Variants in EFTUD2 observed in about 807,000 individuals in gnomAD.
EFTUD2 encodes 116 kDa U5 small nuclear ribonucleoprotein component.
In EFTUD2, 9 loss-of-function variants were observed where a neutral mutation model predicts 114.3. The observed-to-expected ratio is 0.08, with a 90% CI of 0.05 to 0.14. The LOEUF (loss-of-function observed/expected upper bound fraction) is 0.14, where lower values mean the gene tolerates loss of function less well. Ranked by LOEUF, EFTUD2 falls within the 10% of genes least tolerant of loss-of-function variation. The pLI, the probability that EFTUD2 is intolerant of heterozygous loss-of-function variation, is 1.00. For missense variants in EFTUD2, 765 were observed against 1,241.2 expected, an observed-to-expected ratio of 0.62 and a Z score of 5.76; for synonymous variants, 449 against 462.3, an observed-to-expected ratio of 0.97 and a Z score of 0.37.
Position 44,879,627 on chromosome 17 carries a change from A to C in EFTUD2, c.631T>G (p.Phe211Val). ...NIMDTPGHVN[F>V]SDEVTAGLRI... ...AAGCCAGCTGTGACCTCATCAGAGA[A>C]ATTCACATGTCCTGAAAAGCAAATA... is the stretch of plus-strand genomic sequence containing the variant. The change falls in exon 9 of 28, where the codon TTC (phenylalanine) becomes GTC (valine). Residue 211 changes from phenylalanine (F) to valine (V), a missense_variant. Coordinates refer to ENST00000426333, the MANE Select transcript of EFTUD2 (RefSeq NM_004247.4). 2 of 1,613,884 alleles carry C rather than the reference A, an allele frequency of 1.2e-6. No individual in the cohort carries two copies. Among genetic ancestry groups the C allele is most frequent in the Non-Finnish European group, 1.7e-6 (2 of 1,179,954 alleles).
intron 14 of EFTUD2, among the ~76,000 whole-genome samples, chr17:44,864,235 G>A (rs2050706397): frequency 6.6e-6 from 1 of 152,114 alleles, no homozygotes; most frequent in Non-Finnish European, 1.5e-5. Flanking sequence ...GAACCCCCAT[G>A]AGCACACTGG....
At chr17:44,863,377 AC>A (rs1450474982) in intron 15 of EFTUD2, 1 of 334,490 alleles carries the variant, frequency 3.0e-6, no homozygotes, top group Non-Finnish European at 5.5e-6. Flanking sequence ...CAACCGTAAC[AC>A]TTCCTTAATC....
intron 10 of EFTUD2, among the ~76,000 whole-genome samples, chr17:44,875,305 C>A (rs1014746578): frequency 2.0e-5 from 3 of 151,962 alleles, no homozygotes; most frequent in Non-Finnish European, 4.4e-5. Flanking sequence ...CCGAGGTGGG[C>A]GGATCACGAG....
Position 44,863,680 on chromosome 17 carries a change from T to A in EFTUD2, c.1388A>T (p.Glu463Val), listed in dbSNP as rs777976899. ...YTGGVDSDLGEAMSDCDPDGP... is the reference protein window; with the variant it reads ...YTGGVDSDLGVAMSDCDPDGP... Reference sequence around the variant, plus strand: ...ATCAGGGTCACAGTCACTCATAGCCTCGCCGAGGTCGGAGTCCACACCACC... The same window carrying A: ...ATCAGGGTCACAGTCACTCATAGCCACGCCGAGGTCGGAGTCCACACCACC... Residue 463 changes from glutamate (E) to valine (V), a missense_variant, in exon 15 of 28, where the codon GAG becomes GTG. Around this residue, in one of 6 missense-constraint regions of EFTUD2, gnomAD observed 59 missense variants for 50.1 expected, o/e 1.18. Transcript: ENST00000426333. The A allele has an allele frequency of 6.2e-7, 1 of 1,614,074 alleles. No homozygotes were observed. The highest frequency in any genetic ancestry group is 8.5e-7 in the Non-Finnish European group (1 of 1,179,976).
chr17:44,868,421 A>G (rs2050789163), intron 11 of EFTUD2, 71 bp from the exon 12 acceptor site: 1 of 1,493,282 alleles, frequency 6.7e-7, no homozygotes, highest in Non-Finnish European at 9.3e-7. Context: ...CAGGTGCCAC[A>G]GGTGGTTCAT....
intron 2 of EFTUD2, among the ~76,000 whole-genome samples, chr17:44,888,048 C>A (rs1047415134): frequency 6.7e-6 from 1 of 150,210 alleles, no homozygotes; most frequent in African/African-American, 2.4e-5. Context: ...AATCTGCAGA[C>A]AGAGAATAAG....
chr17:44,894,724 T>C (rs2145582385), intron 1 of EFTUD2, among the ~76,000 whole-genome samples, 199 bp from the exon 2 acceptor site: 1 of 152,272 alleles, frequency 6.6e-6, no homozygotes, highest in Admixed American at 6.5e-5. Context: ...TCTCTATTTA[T>C]GTAGTCTTCC....
chr17:44,876,972 T>C (rs540423976), intron 9 of EFTUD2, among the ~76,000 whole-genome samples: 6 of 151,060 alleles, frequency 4.0e-5, no homozygotes, highest in African/African-American at 1.5e-4. Flanking sequence ...GGCAGGAGGA[T>C]TGCTTGAAGC....
At chr17:44,876,203 G>GA (rs2050946027) in intron 9 of EFTUD2, 103 bp from the exon 10 acceptor site, 10 of 1,340,608 alleles carry the variant, frequency 7.5e-6, no homozygotes, top group Non-Finnish European at 1.0e-5. Flanking sequence ...AGCCTGGGGA[G>GA]AAAAAAAGAC....
chr17:44,864,217 A>G (rs113949709), intron 14 of EFTUD2, among the ~76,000 whole-genome samples: 2 of 152,196 alleles, frequency 1.3e-5, no homozygotes, highest in Admixed American at 6.5e-5. Context: ...AATAAACCAC[A>G]TAAGAGGGAA....
chr17:44,888,511 A>G (rs2051217032), intron 2 of EFTUD2, among the ~76,000 whole-genome samples: 1 of 152,192 alleles, frequency 6.6e-6, no homozygotes, highest in African/African-American at 2.4e-5. Flanking sequence ...CACTAGAAGC[A>G]AGAAGATTAG....
intron 9 of EFTUD2, 103 bp from the exon 10 acceptor site, chr17:44,876,203 G>A: frequency 1.5e-6 from 2 of 1,340,616 alleles, no homozygotes; most frequent in Admixed American, 2.4e-5. Context: ...AGCCTGGGGA[G>A]AAAAAAAGAC....
chr17:44,894,143 AGGCAGGTGGACT>A (rs2051334003), intron 2 of EFTUD2: 1 of 330,318 alleles, frequency 3.0e-6, no homozygotes, highest in African/African-American at 2.1e-5. Context: ...TGGGAGGCCA[AGGCAGGTGGACT>A]GCTCGAGCTC....
At chr17:44,859,641 GCACACACA>G (rs139421777) in intron 18 of EFTUD2, 7 of 518,440 alleles carry the variant, frequency 1.4e-5, no homozygotes, top group South Asian at 2.5e-5. Context: ...ACACAAATAC[GCACACACA>G]CACACACACA....
intron 1 of EFTUD2, among the ~76,000 whole-genome samples, chr17:44,897,390 A>C (rs1011739539): frequency 1.3e-5 from 2 of 152,134 alleles, no homozygotes; most frequent in African/African-American, 4.8e-5. Context: ...AAAAGTGGCA[A>C]GAACAGTACA....
At chr17:44,882,851 CAG>C (rs1191774018) in intron 6 of EFTUD2, among the ~76,000 whole-genome samples, 2 of 152,120 alleles carry the variant, frequency 1.3e-5, no homozygotes, top group Non-Finnish European at 2.9e-5. Context: ...TATATCATAA[CAG>C]AGGAGGGATC....
At chr17:44,864,803 G>C in intron 14 of EFTUD2, 127 bp downstream of exon 14, 2 of 1,400,284 alleles carry the variant, frequency 1.4e-6, no homozygotes, top group South Asian at 2.7e-5. Flanking sequence ...TTCTGCATCT[G>C]AATCTGTGGT....
chr17:44,857,291 A>AT (rs1310244025), intron 19 of EFTUD2, 134 bp from the exon 20 acceptor site: 12 of 702,050 alleles, frequency 1.7e-5, no homozygotes. Context: ...AGCACAAGTG[A>AT]TAAGTACAAC....
intron 1 of EFTUD2, among the ~76,000 whole-genome samples, chr17:44,897,301 T>C (rs967220367): frequency 1.2e-4 from 18 of 152,184 alleles, no homozygotes; most frequent in East Asian, 7.7e-4. Flanking sequence ...TCCTTGATCA[T>C]GAGAACCCTG....
Sources: allele counts gnomAD v4.1 joint callset (sites outside exome capture counted in the v4.1 genomes callset), GRCh38; gene constraint gnomAD v4.1.1; regional missense constraint gnomAD v4.1.1; transcripts MANE v1.5; gene names NCBI Gene and HGNC (gene_info 2026-07-23, HGNC 2026-07-21).